KCNQ3: variants seen among roughly 807,000 people sequenced by gnomAD.
The protein encoded by KCNQ3 is potassium voltage-gated channel subfamily KQT member 3.
KCNQ3 carries 30 observed loss-of-function variants against 92.5 expected under a neutral mutation model. The observed-to-expected ratio is 0.32, with a 90% CI of 0.24 to 0.44. KCNQ3 has a LOEUF of 0.44. Ranked by LOEUF, KCNQ3 falls within the 20% of genes least tolerant of loss-of-function variation. KCNQ3 has a pLI of 1.00. For synonymous variants in KCNQ3, 450 were observed against 468.8 expected (o/e 0.96, Z 0.52); for missense variants, 913 against 1,140.3 (o/e 0.80, Z 2.87).
chr8:132,289,090 T>G (rs1033852631), intron 1 of KCNQ3, among the ~76,000 whole-genome samples: 2 of 152,158 alleles, frequency 1.3e-5, no homozygotes, highest in African/African-American at 4.8e-5. Context: ...AGACATTGAA[T>G]ATAAGAGGTA....
intron 1 of KCNQ3, among the ~76,000 whole-genome samples, chr8:132,303,688 AGC>A (rs1270016360): frequency 8.1e-5 from 10 of 123,726 alleles, no homozygotes; most frequent in African/African-American, 2.7e-4. Flanking sequence ...ACACACACAC[AGC>A]CACACCACAC....
chr8:132,449,240 T>G (rs1394877604), intron 1 of KCNQ3, among the ~76,000 whole-genome samples: 2 of 152,162 alleles, frequency 1.3e-5, no homozygotes, highest in Non-Finnish European at 2.9e-5. Flanking sequence ...AAAGACCATG[T>G]GTATGCCTGC....
At chr8:132,270,237 G>C (rs560811944) in intron 1 of KCNQ3, among the ~76,000 whole-genome samples, 1 of 152,248 alleles carries the variant, frequency 6.6e-6, no homozygotes, top group African/African-American at 2.4e-5. Flanking sequence ...CGTTGACGTC[G>C]CCAGATTGAA....
At chr8:132,369,600 C>G (rs1410643352) in intron 1 of KCNQ3, among the ~76,000 whole-genome samples, 1 of 148,626 alleles carries the variant, frequency 6.7e-6, no homozygotes, top group African/African-American at 2.5e-5. Context: ...CACACACACA[C>G]ACAATCACAC....
intron 1 of KCNQ3, among the ~76,000 whole-genome samples, chr8:132,230,229 A>C (rs1163868680): frequency 6.6e-6 from 1 of 152,144 alleles, no homozygotes; most frequent in Non-Finnish European, 1.5e-5. Flanking sequence ...GTGACCCTGG[A>C]AGCTGCAAAG....
At position 132,123,655 on chromosome 8, in the gene KCNQ3, T is replaced by G. The variant is rs755536359; in HGVS notation, c.*5607A>C. On this transcript the variant is annotated 3_prime_UTR_variant, in exon 15 of 15. Coordinates refer to ENST00000388996, the MANE Select transcript of KCNQ3 (RefSeq NM_004519.4). ...CTGAGTTCCAGATTTATTCTGTGAC[T>G]CAATCACTGCTTCAATCACTGAGGG... 6.6e-6 allele frequency: 1 copy of G among 152,210 alleles called. No individual in the cohort carries two copies. The highest frequency in any genetic ancestry group is 1.5e-5 in the Non-Finnish European group (1 of 68,030). The allele number at this position is 152,210 out of a possible 1,614,324, so 9.4% of individuals were successfully genotyped here.
At chr8:132,328,979 C>T (rs886315221) in intron 1 of KCNQ3, among the ~76,000 whole-genome samples, 55 of 152,196 alleles carry the variant, frequency 3.6e-4, no homozygotes, top group African/African-American at 1.3e-3. Flanking sequence ...CATTCAGTTA[C>T]TGAGCTCTTT....
At chr8:132,360,065 G>T (rs892315263) in intron 1 of KCNQ3, among the ~76,000 whole-genome samples, 2 of 152,136 alleles carry the variant, frequency 1.3e-5, no homozygotes, top group Non-Finnish European at 2.9e-5. Flanking sequence ...TATCCAATAT[G>T]GCCTCAGATT....
chr8:132,188,263 T>C (rs1827061801), intron 1 of KCNQ3, among the ~76,000 whole-genome samples: 1 of 152,218 alleles, frequency 6.6e-6, no homozygotes, highest in South Asian at 2.1e-4. Flanking sequence ...AAGGATATTG[T>C]TGAGTCAATT....
At chr8:132,304,239 A>G (rs1817347360) in intron 1 of KCNQ3, among the ~76,000 whole-genome samples, 1 of 152,162 alleles carries the variant, frequency 6.6e-6, no homozygotes, top group African/African-American at 2.4e-5. Flanking sequence ...AAAGTCTAGA[A>G]TTCACCACTA....
intron 1 of KCNQ3, among the ~76,000 whole-genome samples, chr8:132,449,276 G>A (rs1821766235): frequency 1.3e-5 from 2 of 152,094 alleles, no homozygotes; most frequent in Non-Finnish European, 2.9e-5. Flanking sequence ...CCAGCCAATG[G>A]CAGAGTCACT....
intron 1 of KCNQ3, among the ~76,000 whole-genome samples, chr8:132,219,075 A>C (rs1025966781): frequency 1.3e-5 from 2 of 152,240 alleles, no homozygotes; most frequent in African/African-American, 4.8e-5. Context: ...AATTCAGAAA[A>C]GGAAAGTGAT....
chr8:132,251,271 A>G (rs1382214671), intron 1 of KCNQ3, among the ~76,000 whole-genome samples: 1 of 152,160 alleles, frequency 6.6e-6, no homozygotes, highest in African/African-American at 2.4e-5. Context: ...TGAAGAAAAA[A>G]AAAGGCATGC....
intron 1 of KCNQ3, among the ~76,000 whole-genome samples, chr8:132,454,611 T>C (rs1821897367): frequency 6.6e-6 from 1 of 152,114 alleles, no homozygotes; most frequent in Non-Finnish European, 1.5e-5. Context: ...GAAGGGGTCA[T>C]CTCAGTGCCT....
chr8:132,166,143 C>T (rs560521936), intron 8 of KCNQ3, among the ~76,000 whole-genome samples: 25 of 152,204 alleles, frequency 1.6e-4, no homozygotes, highest in African/African-American at 5.8e-4. Flanking sequence ...GCTGTGCTGT[C>T]CAATAGAGTA....
At chr8:132,214,516 C>T (rs1007140146) in intron 1 of KCNQ3, among the ~76,000 whole-genome samples, 1 of 152,184 alleles carries the variant, frequency 6.6e-6, no homozygotes, top group Non-Finnish European at 1.5e-5. Flanking sequence ...GCAACCCTGC[C>T]TGTTTGTTCA....
intron 1 of KCNQ3, among the ~76,000 whole-genome samples, chr8:132,380,338 C>A (rs1014950545): frequency 6.6e-6 from 1 of 152,144 alleles, no homozygotes; most frequent in South Asian, 2.1e-4. Context: ...ACTAATTACA[C>A]GTGAGAAAGA....
At chr8:132,134,443 G>A (rs1825002914) in intron 12 of KCNQ3, 55 bp from the exon 13 acceptor site, 1 of 1,190,222 alleles carries the variant, frequency 8.4e-7, no homozygotes, top group Non-Finnish European at 1.2e-6. Context: ...GTTTTGACAG[G>A]AAAACAAATC....
At chr8:132,309,884 G>A (rs906910630) in intron 1 of KCNQ3, among the ~76,000 whole-genome samples, 1 of 152,202 alleles carries the variant, frequency 6.6e-6, no homozygotes, top group African/African-American at 2.4e-5. Flanking sequence ...TTTCCCAAAT[G>A]TCAGTTGGTC....
Sources: allele counts gnomAD v4.1 joint callset (sites outside exome capture counted in the v4.1 genomes callset), GRCh38; gene constraint gnomAD v4.1.1; transcripts MANE v1.5; gene names NCBI Gene and HGNC (gene_info 2026-07-23, HGNC 2026-07-21).